CALD1: variants seen among roughly 807,000 people sequenced by gnomAD.
CALD1 encodes the protein caldesmon 1, also known as caldesmon.
A neutral mutation model predicts 99.9 loss-of-function variants in CALD1; 33 were observed. The ratio of observed to expected loss-of-function variants is 0.33; its 90% confidence interval spans 0.25 to 0.44. The LOEUF is 0.44. Among genes scored for constraint, CALD1 ranks in the 20% least tolerant of loss-of-function variants. CALD1 has a pLI of 1.00. For missense variants in CALD1, 861 were observed against 962.1 expected, an observed-to-expected ratio of 0.89 and a Z score of 1.39; for synonymous variants, 310 against 325.0, an observed-to-expected ratio of 0.95 and a Z score of 0.50.
intron 3 of CALD1, among the ~76,000 whole-genome samples, chr7:134,871,318 G>T (rs1394507202): frequency 3.9e-5 from 6 of 152,204 alleles, no homozygotes; most frequent in Non-Finnish European, 5.9e-5. Flanking sequence ...TGAATTTAGG[G>T]AACTAAAAGA....
chr7:134,813,495 T>C (rs185269271), intron 1 of CALD1, among the ~76,000 whole-genome samples: 91 of 152,270 alleles, frequency 6.0e-4, no homozygotes, highest in Non-Finnish European at 1.2e-3. Context: ...TGACCTTCAA[T>C]AGGAGCATGG....
chr7:134,903,226 A>C (rs1013503940), intron 3 of CALD1, among the ~76,000 whole-genome samples: 2 of 152,110 alleles, frequency 1.3e-5, no homozygotes, highest in African/African-American at 2.4e-5. Flanking sequence ...AGTTGGTATG[A>C]CACTACATTT....
intron 3 of CALD1, among the ~76,000 whole-genome samples, chr7:134,904,480 C>T (rs1011827104): frequency 1.3e-5 from 2 of 151,856 alleles, no homozygotes; most frequent in South Asian, 2.1e-4. Context: ...ACTCAAGAGG[C>T]TGCGGTGGGA....
intron 1 of CALD1, among the ~76,000 whole-genome samples, chr7:134,839,843 C>T (rs1563036321): frequency 6.6e-6 from 1 of 152,186 alleles, no homozygotes; most frequent in African/African-American, 2.4e-5. Context: ...GCATGCACCA[C>T]CACACCTGGC....
intron 1 of CALD1, among the ~76,000 whole-genome samples, chr7:134,834,987 T>C (rs1026621301): frequency 6.6e-6 from 1 of 152,254 alleles, no homozygotes; most frequent in African/African-American, 2.4e-5. Context: ...ATCTGGGTGA[T>C]GATGAACAGA....
At chr7:134,787,673 C>T (rs902904063) in intron 1 of CALD1, among the ~76,000 whole-genome samples, 6 of 152,154 alleles carry the variant, frequency 3.9e-5, no homozygotes, top group African/African-American at 1.4e-4. Flanking sequence ...TTTGCTTTTG[C>T]AGAAGGACAG....
At chr7:134,894,867 G>A (rs1429471109) in intron 3 of CALD1, among the ~76,000 whole-genome samples, 1 of 152,086 alleles carries the variant, frequency 6.6e-6, no homozygotes, top group Admixed American at 6.6e-5. Flanking sequence ...AAGATTTGGG[G>A]TTTCCTGTAA....
At chr7:134,956,593 C>A (rs1197553840) in intron 9 of CALD1, among the ~76,000 whole-genome samples, 1 of 152,212 alleles carries the variant, frequency 6.6e-6, no homozygotes, top group Non-Finnish European at 1.5e-5. Flanking sequence ...TAATCTTAGA[C>A]TTCCCAGTCT....
Position 134,970,237 on chromosome 7 carries a change from C to T in CALD1, c.*1892C>T, listed in dbSNP as rs1250163750. ...CTCCCGTCATTGGAGTGAAATGGAT[C>T]AAAGTTTGAATTAAGGCCTATGGTA... is the stretch of plus-strand genomic sequence containing the variant. On this transcript the variant is annotated 3_prime_UTR_variant, in exon 15 of 15. Transcript: ENST00000361675. 6.6e-6 allele frequency: 1 copy of T among 152,196 alleles called. No homozygotes were observed. The highest frequency in any genetic ancestry group is 2.4e-5 in the African/African-American group (1 of 41,446). The allele number at this position is 152,196 out of a possible 1,614,324, so 9.4% of individuals were successfully genotyped here. A position where few individuals can be genotyped will look rare whatever the true frequency, so the allele number is the denominator to read the frequency against.
intron 1 of CALD1, among the ~76,000 whole-genome samples, chr7:134,744,905 A>G (rs13221704): frequency 0.075 from 11,398 of 152,212 alleles, 591 homozygotes; most frequent in Non-Finnish European, 0.11. Flanking sequence ...CTTTACTTCC[A>G]TGTCTTTCAG....
chr7:134,786,319 AAG>A (rs537126570), intron 1 of CALD1, among the ~76,000 whole-genome samples: 83 of 152,332 alleles, frequency 5.4e-4, no homozygotes, highest in East Asian at 2.5e-3. Context: ...ATTTATTTAA[AAG>A]AGTTATTGAA....
intron 1 of CALD1, among the ~76,000 whole-genome samples, chr7:134,746,782 G>A (rs1351918406): frequency 6.6e-6 from 1 of 152,230 alleles, no homozygotes; most frequent in Non-Finnish European, 1.5e-5. Context: ...TTGAAAACGA[G>A]AGAAAAGGCA....
upstream of CALD1, among the ~76,000 whole-genome samples, chr7:134,743,257 G>A (rs1039528345): frequency 4.6e-5 from 7 of 152,114 alleles, no homozygotes; most frequent in African/African-American, 1.4e-4. Flanking sequence ...TTCTGTTGAG[G>A]GGAGGAGAAG....
At chr7:134,922,229 T>C (rs1298553494) in intron 3 of CALD1, among the ~76,000 whole-genome samples, 1 of 152,216 alleles carries the variant, frequency 6.6e-6, no homozygotes, top group Admixed American at 6.5e-5. Flanking sequence ...AAACTGTTCT[T>C]TTTCATTCTC....
intron 3 of CALD1, among the ~76,000 whole-genome samples, chr7:134,920,912 G>C (rs1316119728): frequency 6.6e-6 from 1 of 152,176 alleles, no homozygotes; most frequent in African/African-American, 2.4e-5. Flanking sequence ...TTTTATAACT[G>C]GGCTTCACTA....
At chr7:134,861,155 T>C (rs1355699340) in intron 2 of CALD1, among the ~76,000 whole-genome samples, 1 of 152,200 alleles carries the variant, frequency 6.6e-6, no homozygotes, top group African/African-American at 2.4e-5. Context: ...CATAGTATTA[T>C]TATGTGGCGT....
At chr7:134,848,071 G>C (rs1038330932) in intron 2 of CALD1, among the ~76,000 whole-genome samples, 1 of 151,290 alleles carries the variant, frequency 6.6e-6, no homozygotes, top group Non-Finnish European at 1.5e-5. Flanking sequence ...ACTCAAATAG[G>C]ACTTAAGCAG....
chr7:134,729,557 G>T, the CALD1 span, among the ~76,000 whole-genome samples: 1 of 152,194 alleles, frequency 6.6e-6, no homozygotes, highest in African/African-American at 2.4e-5. Flanking sequence ...GCCTGTGAGG[G>T]GACACACAAG....
At chr7:134,760,075 G>A (rs1382158690) in intron 1 of CALD1, among the ~76,000 whole-genome samples, 1 of 152,176 alleles carries the variant, frequency 6.6e-6, no homozygotes, top group Admixed American at 6.5e-5. Context: ...GGGCTGGATC[G>A]CCAGGTGCTC....
Sources: gnomAD v4.1 joint callset for allele counts (sites outside exome capture counted in the v4.1 genomes callset) on GRCh38, gnomAD v4.1.1 for gene constraint, MANE v1.5 for transcripts, NCBI Gene and HGNC (gene_info 2026-07-23, HGNC 2026-07-21) for gene names.